Variants in DNAH7 observed in about 807,000 individuals in gnomAD.
DNAH7 encodes dynein axonemal heavy chain 7.
In DNAH7, 397 loss-of-function variants were observed where a neutral mutation model predicts 444.6. That is an observed-to-expected ratio of 0.89 (90% CI 0.82 to 0.97). DNAH7 has a LOEUF of 0.97. Among genes scored for constraint, DNAH7 ranks in the 50% least tolerant of loss-of-function variants. DNAH7 has a pLI of 0.00. For synonymous variants in DNAH7, 1,636 were observed against 1,624.4 expected, an observed-to-expected ratio of 1.01 and a Z score of -0.17; for missense variants, 4,902 against 4,800.8, an observed-to-expected ratio of 1.02 and a Z score of -0.62.
chr2:195,824,227 TAAAG>T (rs751384498), intron 49 of DNAH7, 24 bp downstream of exon 49: 11 of 1,577,048 alleles, frequency 7.0e-6, no homozygotes, highest in Middle Eastern at 3.4e-4. Context: ...CAAAATCTGA[TAAAG>T]AAACATTCAT....
chr2:195,900,223 C>CAA, intron 28 of DNAH7, 59 bp downstream of exon 28: 1 of 1,531,238 alleles, frequency 6.5e-7, no homozygotes, highest in Non-Finnish European at 9.0e-7. Flanking sequence ...TCTGAAGACC[C>CAA]ATTAGGCTGG....
Position 195,817,742 on chromosome 2 carries a change from C to T in DNAH7, c.9379G>A (p.Glu3127Lys), listed in dbSNP as rs1418866467. The T allele has an allele frequency of 6.2e-7, 1 of 1,612,926 alleles. No individual in the cohort carries two copies. Among genetic ancestry groups the T allele is most frequent in the African/African-American group, 1.3e-5 (1 of 74,888 alleles). Residue 3127 changes from glutamate (E) to lysine (K), a missense_variant, in exon 50 of 65, where the codon GAA becomes AAA. By Grantham distance (56) the Glu-to-Lys change is moderately conservative. Transcript: ENST00000312428. ...AATATCAAGGCTTGCTTTTCTTCTT[C>T]AAGGTCTGGCCTTTCTTGTGCCACC... ...IVVAQERPDLEEEKQALILQG... is the reference protein window; with the variant it reads ...IVVAQERPDLKEEKQALILQG...
intron 5 of DNAH7, among the ~76,000 whole-genome samples, chr2:196,029,804 T>G (rs1695926440): frequency 6.6e-6 from 1 of 152,170 alleles, no homozygotes; most frequent in South Asian, 2.1e-4. Flanking sequence ...ACATGTGGCC[T>G]GGGTACAGAG....
At chr2:195,907,482 G>A (rs1044490374) in intron 25 of DNAH7, among the ~76,000 whole-genome samples, 16 of 152,098 alleles carry the variant, frequency 1.1e-4, no homozygotes, top group African/African-American at 3.9e-4. Context: ...TCACAGATAT[G>A]TGCCATTCGA....
intron 41 of DNAH7, among the ~76,000 whole-genome samples, chr2:195,862,157 G>A (rs1322509492): frequency 6.6e-6 from 1 of 152,186 alleles, no homozygotes; most frequent in Non-Finnish European, 1.5e-5. Context: ...AACATTCACT[G>A]TGTGTGGTTT....
At chr2:196,032,934 G>A (rs1184414768) in intron 5 of DNAH7, among the ~76,000 whole-genome samples, 1 of 152,140 alleles carries the variant, frequency 6.6e-6, no homozygotes, top group Non-Finnish European at 1.5e-5. Context: ...TGAGAGGAAT[G>A]CAAGGTTGCA....
intron 49 of DNAH7, among the ~76,000 whole-genome samples, chr2:195,818,511 A>C (rs1332284927): frequency 6.6e-6 from 1 of 151,856 alleles, no homozygotes; most frequent in Non-Finnish European, 1.5e-5. Flanking sequence ...CATGCTGAGG[A>C]CTCTTTTTTT....
intron 19 of DNAH7, among the ~76,000 whole-genome samples, chr2:195,956,807 G>C (rs1316163787): frequency 6.6e-6 from 1 of 151,594 alleles, no homozygotes; most frequent in East Asian, 1.9e-4. Flanking sequence ...GCATTTATTG[G>C]ACTTTTTAGA....
chr2:195,925,097 A>G (rs1688248279), intron 22 of DNAH7, among the ~76,000 whole-genome samples: 1 of 152,138 alleles, frequency 6.6e-6, no homozygotes, highest in African/African-American at 2.4e-5. Flanking sequence ...TGTTTCTCCA[A>G]GGGGCACTTT....
intron 19 of DNAH7, among the ~76,000 whole-genome samples, chr2:195,951,554 T>C (rs989146327): frequency 1.3e-5 from 2 of 152,162 alleles, no homozygotes; most frequent in African/African-American, 4.8e-5. Context: ...CCTCCCACTA[T>C]TATTGTGTGG....
intron 24 of DNAH7, among the ~76,000 whole-genome samples, chr2:195,915,131 A>G (rs937728847): frequency 2.6e-5 from 4 of 152,212 alleles, no homozygotes; most frequent in Non-Finnish European, 5.9e-5. Context: ...TGAAAAGACT[A>G]CAATAAAGAA....
At chr2:195,972,810 CTG>C (rs1441981806) in intron 15 of DNAH7, among the ~76,000 whole-genome samples, 2 of 152,206 alleles carry the variant, frequency 1.3e-5, no homozygotes, top group African/African-American at 4.8e-5. Context: ...GGGCCTGACA[CTG>C]TGCCAGGTGC....
At chr2:195,984,217 A>G (rs1012811572) in intron 15 of DNAH7, among the ~76,000 whole-genome samples, 2 of 152,240 alleles carry the variant, frequency 1.3e-5, no homozygotes, top group Non-Finnish European at 2.9e-5. Context: ...AGTCAACCCA[A>G]CTAAGTGAGT....
At chr2:195,742,036 G>C (rs144716114) in intron 63 of DNAH7, among the ~76,000 whole-genome samples, 1 of 152,130 alleles carries the variant, frequency 6.6e-6, no homozygotes, top group South Asian at 2.1e-4. Flanking sequence ...GGAAGAATAC[G>C]TCGGAATATA....
At position 195,861,792 on chromosome 2, in the gene DNAH7, C is replaced by T; in HGVS notation, c.7661G>A (p.Arg2554Lys). The change falls in exon 42 of 65, where the codon AGA becomes AAA. Residue 2554 changes from arginine to lysine, a missense_variant. Coordinates refer to ENST00000312428, the MANE Select transcript of DNAH7 (RefSeq NM_018897.3). ...LSKSFFVELQ[R>K]YNYVTPTSYL... is the part of the protein sequence containing the mutation. ...AGAGGTAGGAGTCACATAATTGTAT[C>T]TTTGAAGTTCAACAAAGAAAGATTT... is the stretch of plus-strand genomic sequence containing the variant. 1 of 1,613,690 alleles carries T rather than the reference C, an allele frequency of 6.2e-7. No individual in the cohort carries two copies. Among genetic ancestry groups the T allele is most frequent in the Non-Finnish European group, 8.5e-7 (1 of 1,179,710 alleles).
intron 64 of DNAH7, among the ~76,000 whole-genome samples, chr2:195,739,170 T>C (rs1006480862): frequency 6.6e-6 from 1 of 152,230 alleles, no homozygotes; most frequent in African/African-American, 2.4e-5. Context: ...AGTTTCCATG[T>C]GAAAGAAAGA....
chr2:195,793,055 G>A (rs1029360270), intron 57 of DNAH7, among the ~76,000 whole-genome samples: 13 of 151,952 alleles, frequency 8.6e-5, no homozygotes, highest in African/African-American at 1.2e-4. Context: ...TCAGCCTCTC[G>A]AGTAGCTGGG....
chr2:195,794,529 G>C lies in DNAH7; in HGVS notation c.10525C>G (p.Pro3509Ala). 6.2e-7 allele frequency: 1 copy of C among 1,613,938 alleles called. No homozygotes were observed. Among genetic ancestry groups the C allele is most frequent in the South Asian group, 1.1e-5 (1 of 91,056 alleles). Residue 3509 changes from proline (P) to alanine (A), a missense_variant, in exon 57 of 65, where the codon CCA becomes GCA. Physicochemically the swap from Pro to Ala is conservative, Grantham distance 27. Transcript: ENST00000312428. ...TLEKVCEELS[P>A]ESTHPDFRMW... The stretch of plus-strand genomic sequence containing the variant: ...CGGAAATCTGGATGTGTTGACTCTG[G>C]GCTTAACTCCTGTAAGAAAATAAAT...
At chr2:195,924,282 G>A (rs774475780) in intron 22 of DNAH7, among the ~76,000 whole-genome samples, 7 of 152,164 alleles carry the variant, frequency 4.6e-5, no homozygotes, top group Non-Finnish European at 1.0e-4. Flanking sequence ...CCAGAGCCAA[G>A]AGAGATAGAA....
Sources: allele counts gnomAD v4.1 joint callset (sites outside exome capture counted in the v4.1 genomes callset), GRCh38; gene constraint gnomAD v4.1.1; transcripts MANE v1.5; gene names NCBI Gene and HGNC (gene_info 2026-07-23, HGNC 2026-07-21).